Variants in VWA5B1 observed in about 807,000 individuals in gnomAD.
VWA5B1 encodes the protein von Willebrand factor A domain containing 5B1.
VWA5B1 carries 115 observed loss-of-function variants against 118.2 expected under a neutral mutation model. That is an observed-to-expected ratio of 0.97 (90% CI 0.84 to 1.14). The LOEUF (loss-of-function observed/expected upper bound fraction) is 1.14, where lower values mean the gene tolerates loss of function less well. Among genes scored for constraint, VWA5B1 ranks in the 50% most tolerant of loss-of-function variants. The probability of loss-of-function intolerance (pLI) is 0.00; values close to 1 mark genes in which losing one functional copy is unlikely to be tolerated. For synonymous variants in VWA5B1, 682 were observed against 658.4 expected (o/e 1.04, Z -0.55); for missense variants, 1,596 against 1,603.8 (o/e 1.00, Z 0.08).
intron 8 of VWA5B1, among the ~76,000 whole-genome samples, chr1:20,325,518 T>G (rs1440062831): frequency 6.6e-6 from 1 of 152,220 alleles, no homozygotes; most frequent in African/African-American, 2.4e-5. Context: ...TCAGTCTATA[T>G]CCTTCTCATC....
rs74056515 is a variant in VWA5B1 at position 20,337,630 on chromosome 1, C to T, written c.1943-16C>T. On this transcript the variant is annotated splice_polypyrimidine_tract_variant and intron_variant, in intron 13 of 21. Transcript: ENST00000289815. ...CTGTCCCACTCTGATGGTTCCCCAT[C>T]ACTATCCCTGTCCAGATCTGAACCT... The T allele has an allele frequency of 4.0e-3, 6,242 of 1,543,148 alleles. 192 individuals are homozygous for T. In the African/African-American group the frequency reaches 0.068, roughly 17 times the overall value.
chr1:20,323,274 G>A, intron 7 of VWA5B1, 82 bp from the exon 8 acceptor site: 1 of 1,284,864 alleles, frequency 7.8e-7, no homozygotes, highest in Non-Finnish European at 1.0e-6. Flanking sequence ...TGGGTGCACG[G>A]TGAGTGACGG....
chr1:20,359,066 C>T lies in VWA5B1; in HGVS notation c.*4803C>T, dbSNP rs1375860431. Among the ~76,000 whole-genome samples the T allele has an allele frequency of 6.6e-6, 1 of 152,246 alleles. No individual in the cohort carries two copies. The highest frequency in any genetic ancestry group is 2.4e-5 in the African/African-American group (1 of 41,466). ...TGGGATTTTTCTCCTGTTCATGCTG[C>T]AAATCTCCTTGGCTCAGGGCCAGCC... On this transcript the variant is annotated 3_prime_UTR_variant, in exon 22 of 22. Coordinates refer to ENST00000289815, the MANE Select transcript of VWA5B1 (RefSeq NM_001039500.3).
intron 18 of VWA5B1, among the ~76,000 whole-genome samples, chr1:20,348,785 CA>C (rs2090063513): frequency 6.6e-6 from 1 of 152,206 alleles, no homozygotes. Context: ...TCAGGATTCC[CA>C]ACAGCCTCCT....
chr1:20,317,039 C>T (rs1054715253), intron 4 of VWA5B1, among the ~76,000 whole-genome samples: 4 of 151,574 alleles, frequency 2.6e-5, no homozygotes, highest in Non-Finnish European at 4.4e-5. Flanking sequence ...ACCTGTAGTC[C>T]CAGCTACTCG....
chr1:20,338,271 A>T, intron 14 of VWA5B1: 1 of 352,262 alleles, frequency 2.8e-6, no homozygotes, highest in East Asian at 7.5e-5. Flanking sequence ...AAAGCCTTTT[A>T]TTCCCCCTCA....
At chr1:20,314,160 C>T (rs2088930554) in intron 3 of VWA5B1, among the ~76,000 whole-genome samples, 162 bp from the exon 4 acceptor site, 1 of 152,070 alleles carries the variant, frequency 6.6e-6, no homozygotes, top group East Asian at 1.9e-4. Context: ...CATGGGGGTT[C>T]AGATCCTGCT....
Position 20,336,482 on chromosome 1 carries a change from G to A in VWA5B1, c.1938G>A (p.Lys646=). The change falls in exon 13 of 22, where the codon AAG becomes AAA. Residue 646 remains lysine, a synonymous_variant. Transcript: ENST00000289815. ...TAGCCAGCGGAGACTCTACCACCAA[G>A]CACGGTTCGTCTGCGGCTCTGATGA... ...ARLASGDSTT[K]HDLNLSQRRR... 1.4e-6 allele frequency: 2 copies of A among 1,402,978 alleles called. No homozygotes were observed. Among genetic ancestry groups the A allele is most frequent in the Non-Finnish European group, 1.9e-6 (2 of 1,064,684 alleles). 86.9% of individuals were successfully genotyped at this position (1,402,978 alleles called of 1,614,324 possible).
In VWA5B1 at chr1:20,300,518, T is replaced by C. The variant is rs373130726; in HGVS notation, c.-27+9430T>C. Among the ~76,000 whole-genome samples, 116 of 152,324 alleles carry C rather than the reference T, an allele frequency of 7.6e-4. 3 individuals carry two copies. The South Asian group carries it at 0.022, about 29-fold the overall frequency. On this transcript the variant is annotated intron_variant, in intron 1 of 21. Coordinates refer to ENST00000289815, the MANE Select transcript of VWA5B1 (RefSeq NM_001039500.3). ...ATAAGTATAGAGGGTGATGAATCTC[T>C]GAAGGTGGAGTCCAAATCCCACCAC...
At chr1:20,312,789 CA>C in intron 2 of VWA5B1, 46 bp from the exon 3 acceptor site, 1 of 1,509,164 alleles carries the variant, frequency 6.6e-7, no homozygotes, top group East Asian at 2.5e-5. Context: ...AAGGGGTGTG[CA>C]GGGTAGGCCT....
intron 1 of VWA5B1, among the ~76,000 whole-genome samples, chr1:20,291,359 T>TCTCTCTCTCTCTCTCTCTC (rs2088297636): frequency 1.5e-4 from 16 of 103,406 alleles, no homozygotes; most frequent in African/African-American, 2.9e-4. Context: ...CTTTCTTTCT[T>TCTCTCTCTCTCTCTCTCTC]TCTCTCTCTC....
At chr1:20,317,469 C>T (rs1032179501) in intron 4 of VWA5B1, 61 bp from the exon 5 acceptor site, 35 of 1,527,292 alleles carry the variant, frequency 2.3e-5, no homozygotes, top group Non-Finnish European at 2.6e-5. Flanking sequence ...CTTGTCTTCT[C>T]GCGCTGGACC....
chr1:20,332,929 T>C lies in VWA5B1; in HGVS notation c.1736T>C (p.Leu579Ser). Residue 579 changes from leucine (L) to serine (S), a missense_variant, in exon 12 of 22, where the codon TTG becomes TCG. Physicochemically the swap from Leu to Ser is moderately radical, Grantham distance 145. Coordinates refer to ENST00000289815, the MANE Select transcript of VWA5B1 (RefSeq NM_001039500.3). ...VGYGIVCDAS[L>S]HISNPRSDKR... ...TATGGCATTGTATGTGATGCTTCTTTGCACATCTCCAATCCCAGATCTGTA... is the reference window on the plus strand; with the variant it reads ...TATGGCATTGTATGTGATGCTTCTTCGCACATCTCCAATCCCAGATCTGTA... 4 of 1,551,954 alleles carry C rather than the reference T, an allele frequency of 2.6e-6. No individual in the cohort carries two copies. Among genetic ancestry groups the C allele is most frequent in the Non-Finnish European group, 3.5e-6 (4 of 1,147,040 alleles).
intron 14 of VWA5B1, among the ~76,000 whole-genome samples, chr1:20,340,669 A>T (rs1305720067): frequency 6.6e-6 from 1 of 152,226 alleles, no homozygotes; most frequent in Non-Finnish European, 1.5e-5. Flanking sequence ...TTCATTTCTA[A>T]TTAATTTAAT....
intron 17 of VWA5B1, among the ~76,000 whole-genome samples, chr1:20,346,865 T>A (rs1303510656): frequency 6.6e-6 from 1 of 152,190 alleles, no homozygotes; most frequent in African/African-American, 2.4e-5. Flanking sequence ...CCTTCCTAAT[T>A]CCACCTGTCC....
At chr1:20,304,086 C>T (rs908060794) in intron 1 of VWA5B1, among the ~76,000 whole-genome samples, 1 of 152,206 alleles carries the variant, frequency 6.6e-6, no homozygotes, top group Admixed American at 6.5e-5. Flanking sequence ...CAAGCACAGT[C>T]CAGGGAGCTG....
intron 7 of VWA5B1, among the ~76,000 whole-genome samples, chr1:20,320,628 T>C (rs980993198): frequency 2.6e-5 from 4 of 152,186 alleles, no homozygotes; most frequent in Admixed American, 2.6e-4. Flanking sequence ...CGGAAGCAAA[T>C]GAGAATTAAC....
At chr1:20,335,079 T>C (rs897944908) in intron 12 of VWA5B1, among the ~76,000 whole-genome samples, 2 of 151,966 alleles carry the variant, frequency 1.3e-5, no homozygotes, top group Non-Finnish European at 2.9e-5. Flanking sequence ...GAGGCCAAGG[T>C]AGGTGCCTGG....
chr1:20,333,699 T>A (rs2089636756), intron 12 of VWA5B1, among the ~76,000 whole-genome samples: 1 of 152,212 alleles, frequency 6.6e-6, no homozygotes, highest in Non-Finnish European at 1.5e-5. Context: ...CGTGGATGAT[T>A]CCCTTGTCTG....
Sources: allele counts gnomAD v4.1 joint callset (sites outside exome capture counted in the v4.1 genomes callset), GRCh38; gene constraint gnomAD v4.1.1; transcripts MANE v1.5; gene names NCBI Gene and HGNC (gene_info 2026-07-23, HGNC 2026-07-21).